TENM3: variants seen among roughly 807,000 people sequenced by gnomAD.
TENM3 encodes the protein teneurin-3.
A neutral mutation model predicts 255.1 loss-of-function variants in TENM3; 63 were observed. That is an observed-to-expected ratio of 0.25 (90% confidence interval 0.20 to 0.30). The LOEUF (loss-of-function observed/expected upper bound fraction) is 0.30, where lower values mean the gene tolerates loss of function less well. Ranked by LOEUF, TENM3 falls within the 10% of genes least tolerant of loss-of-function variation. The pLI is 1.00. For synonymous variants in TENM3, 1,306 were observed against 1,322.3 expected (o/e 0.99, Z 0.27); for missense variants, 2,929 against 3,461.1 (o/e 0.85, Z 3.86).
intron 6 of TENM3, among the ~76,000 whole-genome samples, chr4:182,669,049 C>T (rs1754969165): frequency 6.6e-6 from 1 of 152,022 alleles, no homozygotes; most frequent in African/African-American, 2.4e-5. Flanking sequence ...AGTATCATAG[C>T]CTTAGAAATG....
intron 24 of TENM3, among the ~76,000 whole-genome samples, chr4:182,776,975 A>G (rs1333647709): frequency 6.6e-6 from 1 of 152,210 alleles, no homozygotes; most frequent in Non-Finnish European, 1.5e-5. Flanking sequence ...TTTCAAGATA[A>G]GATTGGATGT....
the TENM3 span, among the ~76,000 whole-genome samples, chr4:182,076,253 T>C: frequency 6.8e-6 from 1 of 146,428 alleles, no homozygotes; most frequent in Non-Finnish European, 1.5e-5. Context: ...TCTTGCTCTG[T>C]TGCCAGGTTG....
the TENM3 span, among the ~76,000 whole-genome samples, chr4:181,680,731 T>A: frequency 6.6e-6 from 1 of 152,160 alleles, no homozygotes; most frequent in Admixed American, 6.6e-5. Context: ...CTGTAAACTG[T>A]ACAGTGCTAG....
chr4:182,235,378 CT>C (rs1756831875), intron 1 of TENM3, among the ~76,000 whole-genome samples: 1 of 152,176 alleles, frequency 6.6e-6, no homozygotes, highest in African/African-American at 2.4e-5. Context: ...AAAAATCTAC[CT>C]TCCCAGGCGG....
chr4:181,528,601 C>T, the TENM3 span, among the ~76,000 whole-genome samples: 11 of 152,334 alleles, frequency 7.2e-5, no homozygotes, highest in East Asian at 2.1e-3. Flanking sequence ...ATTTAATCCT[C>T]ATAACAATCC....
At chr4:181,979,796 A>G in the TENM3 span, among the ~76,000 whole-genome samples, 1 of 152,336 alleles carries the variant, frequency 6.6e-6, no homozygotes, top group South Asian at 2.1e-4. Flanking sequence ...ACAGCTAGAC[A>G]TGACAACCCC....
At chr4:182,040,598 C>G in the TENM3 span, among the ~76,000 whole-genome samples, 1 of 152,174 alleles carries the variant, frequency 6.6e-6, no homozygotes, top group Non-Finnish European at 1.5e-5. Context: ...ACCCAATCAG[C>G]CTCTCCGGTC....
At chr4:181,962,944 T>C in the TENM3 span, among the ~76,000 whole-genome samples, 9 of 152,238 alleles carry the variant, frequency 5.9e-5, no homozygotes, top group Non-Finnish European at 1.0e-4. Context: ...TTCTTTAATA[T>C]TGAATTGCTA....
At chr4:181,790,549 G>A in the TENM3 span, among the ~76,000 whole-genome samples, 2 of 152,062 alleles carry the variant, frequency 1.3e-5, no homozygotes, top group African/African-American at 4.8e-5. Context: ...GAATAGAAAA[G>A]AGAATAGAAA....
At chr4:182,465,319 T>G (rs1276629670) in intron 3 of TENM3, among the ~76,000 whole-genome samples, 1 of 152,108 alleles carries the variant, frequency 6.6e-6, no homozygotes, top group East Asian at 1.9e-4. Flanking sequence ...TGGGAGGTGA[T>G]TAGGTCCCGA....
At chr4:182,410,009 T>A (rs1769871411) in intron 3 of TENM3, among the ~76,000 whole-genome samples, 2 of 152,126 alleles carry the variant, frequency 1.3e-5, no homozygotes, top group South Asian at 4.2e-4. Flanking sequence ...GTATTTCTGG[T>A]AGAGAAGGGG....
the TENM3 span, among the ~76,000 whole-genome samples, chr4:181,928,530 G>T: frequency 2.0e-5 from 3 of 151,830 alleles, no homozygotes; most frequent in Admixed American, 2.0e-4. Context: ...ATGGGACTAC[G>T]TGAAAAGACC....
At chr4:181,507,475 G>A in the TENM3 span, among the ~76,000 whole-genome samples, 4 of 152,238 alleles carry the variant, frequency 2.6e-5, 1 homozygote, top group East Asian at 5.8e-4. Context: ...TTTTTCTGCC[G>A]GCACATATTA....
intron 5 of TENM3, among the ~76,000 whole-genome samples, chr4:182,653,299 C>G (rs746374087): frequency 1.3e-5 from 2 of 152,116 alleles, no homozygotes; most frequent in Non-Finnish European, 2.9e-5. Context: ...CATGTACCAA[C>G]AAATTCATCT....
the TENM3 span, among the ~76,000 whole-genome samples, chr4:182,017,779 A>C: frequency 6.6e-6 from 1 of 152,214 alleles, no homozygotes; most frequent in Non-Finnish European, 1.5e-5. Context: ...ACAGGATTAC[A>C]TTAGCACCTG....
At chr4:182,009,793 A>T in the TENM3 span, among the ~76,000 whole-genome samples, 2 of 152,182 alleles carry the variant, frequency 1.3e-5, no homozygotes, top group Non-Finnish European at 2.9e-5. Flanking sequence ...AGGCTGTAAA[A>T]ATCTGCACAT....
At chr4:182,329,487 C>T (rs74640720) in intron 2 of TENM3, among the ~76,000 whole-genome samples, 31,332 of 152,044 alleles carry the variant, frequency 0.21, 3,383 homozygotes, top group Non-Finnish European at 0.24. Flanking sequence ...GAATCTAACA[C>T]GATTTCCCGC....
the TENM3 span, among the ~76,000 whole-genome samples, chr4:181,910,043 A>G: frequency 6.6e-6 from 1 of 152,220 alleles, no homozygotes; most frequent in Non-Finnish European, 1.5e-5. Flanking sequence ...CTACTTTTAT[A>G]AAGAAAATAA....
intron 1 of TENM3, among the ~76,000 whole-genome samples, chr4:182,159,141 CG>C (rs1207179875): frequency 3.3e-5 from 5 of 152,098 alleles, no homozygotes; most frequent in Admixed American, 1.3e-4. Context: ...GTGCCTGGCC[CG>C]GGGCCCCCAC....
Sources: allele counts gnomAD v4.1 joint callset (sites outside exome capture counted in the v4.1 genomes callset), GRCh38; gene constraint gnomAD v4.1.1; transcripts MANE v1.5; gene names NCBI Gene and HGNC (gene_info 2026-07-23, HGNC 2026-07-21).